Variants in TACR3 observed in about 807,000 individuals in gnomAD.
TACR3 encodes the protein neuromedin-K receptor.
Under a neutral mutation model 35.0 loss-of-function variants are expected in TACR3, and 34 were observed. The observed-to-expected ratio is 0.97, with a 90% CI of 0.74 to 1.30. The LOEUF is 1.30. Ranked by LOEUF, TACR3 falls within the 50% of genes most tolerant of loss-of-function variation. The pLI is 0.00. For synonymous variants in TACR3, 233 were observed against 221.1 expected, an observed-to-expected ratio of 1.05 and a Z score of -0.48; for missense variants, 558 against 591.7, an observed-to-expected ratio of 0.94 and a Z score of 0.59.
intron 3 of TACR3, among the ~76,000 whole-genome samples, chr4:103,599,287 T>G (rs940680066): frequency 3.9e-5 from 6 of 152,174 alleles, no homozygotes; most frequent in African/African-American, 1.4e-4. Flanking sequence ...ATGCTTGTGG[T>G]TTTTGTACAT....
Position 103,683,640 on chromosome 4 carries a change from A to T in TACR3, c.549-25237T>A, listed in dbSNP as rs551356367. On this transcript the variant is annotated intron_variant, in intron 1 of 4. Coordinates refer to ENST00000304883, the MANE Select transcript of TACR3 (RefSeq NM_001059.3). The stretch of plus-strand genomic sequence containing the variant: ...TTTCTTAATATGTGCAAACTACAAA[A>T]CTCTACCCAAAATGAGTTCTATATT... 3.6e-4 allele frequency among the ~76,000 whole-genome samples: 54 copies of T among 152,044 alleles called. No individual in the cohort carries two copies. In the South Asian group the frequency reaches 0.011, roughly 30 times the overall value.
chr4:103,711,668 A>G (rs923749326), intron 1 of TACR3, among the ~76,000 whole-genome samples: 1 of 152,182 alleles, frequency 6.6e-6, no homozygotes, highest in Non-Finnish European at 1.5e-5. Context: ...AGAAAGAAAT[A>G]AAGGGTATTC....
intron 1 of TACR3, among the ~76,000 whole-genome samples, chr4:103,704,105 C>CAAAAAAAAA (rs59034473): frequency 9.9e-4 from 64 of 64,628 alleles, no homozygotes; most frequent in Non-Finnish European, 1.4e-3. Flanking sequence ...CTCTATCTCA[C>CAAAAAAAAA]AAAAAAAAAA....
At chr4:103,676,493 GCAGA>G (rs1726171971) in intron 1 of TACR3, among the ~76,000 whole-genome samples, 1 of 152,082 alleles carries the variant, frequency 6.6e-6, no homozygotes, top group Non-Finnish European at 1.5e-5. Flanking sequence ...GAGACAAGAT[GCAGA>G]CAAAGACAAA....
chr4:103,607,208 C>T lies in TACR3; in HGVS notation c.889-15525G>A, dbSNP rs189001619. Reference sequence around the variant, plus strand: ...ATACTTATCTTTTGTAACAGATATGCGGTATTGTTAAGCATGTTTTTGTTT... The same window carrying T: ...ATACTTATCTTTTGTAACAGATATGTGGTATTGTTAAGCATGTTTTTGTTT... On this transcript the variant is annotated intron_variant, in intron 3 of 4. Coordinates refer to ENST00000304883, the MANE Select transcript of TACR3 (RefSeq NM_001059.3). Among the ~76,000 whole-genome samples, 144 of 152,116 alleles carry T rather than the reference C, an allele frequency of 9.5e-4. 1 individual carries two copies. The highest frequency in any genetic ancestry group is 2.1e-3 in the East Asian group (11 of 5,180).
intron 3 of TACR3, among the ~76,000 whole-genome samples, chr4:103,595,350 C>A (rs1723982084): frequency 6.6e-6 from 1 of 152,128 alleles, no homozygotes; most frequent in African/African-American, 2.4e-5. Flanking sequence ...ACCCATTACC[C>A]TTGGAAACTT....
chr4:103,637,157 A>T (rs1016249113), intron 3 of TACR3, among the ~76,000 whole-genome samples: 1 of 152,202 alleles, frequency 6.6e-6, no homozygotes, highest in Non-Finnish European at 1.5e-5. Context: ...TTAGACCAAT[A>T]TCCTTGATGA....
intron 3 of TACR3, among the ~76,000 whole-genome samples, chr4:103,638,902 A>G (rs981501192): frequency 4.6e-5 from 7 of 152,174 alleles, no homozygotes; most frequent in African/African-American, 1.7e-4. Flanking sequence ...ACCATCTCAC[A>G]CCAGTTAGAA....
chr4:103,694,890 C>CATATTTACATATATGTAT (rs1722488110), intron 1 of TACR3, among the ~76,000 whole-genome samples: 1 of 152,114 alleles, frequency 6.6e-6, no homozygotes, highest in African/African-American at 2.4e-5. Flanking sequence ...GAACTTCTTA[C>CATATTTACATATATGTAT]ATATTTACAT....
At chr4:103,648,183 G>C (rs1160100810) in intron 3 of TACR3, among the ~76,000 whole-genome samples, 1 of 151,894 alleles carries the variant, frequency 6.6e-6, no homozygotes, top group Non-Finnish European at 1.5e-5. Flanking sequence ...ATTTATTTCT[G>C]TGGGTACATA....
chr4:103,676,091 T>A (rs1038918227), intron 1 of TACR3, among the ~76,000 whole-genome samples: 1 of 152,218 alleles, frequency 6.6e-6, no homozygotes, highest in African/African-American at 2.4e-5. Context: ...TGATTTCACC[T>A]CATTGTTCTA....
chr4:103,624,620 T>C (rs1011854687), intron 3 of TACR3: 1 of 151,844 alleles, frequency 6.6e-6, no homozygotes, highest in Non-Finnish European at 1.5e-5. Flanking sequence ...GAAATCTTTG[T>C]TGAAATGAAA....
chr4:103,654,979 C>T (rs1004379691), intron 3 of TACR3, among the ~76,000 whole-genome samples: 6 of 151,988 alleles, frequency 3.9e-5, no homozygotes, highest in Admixed American at 1.3e-4. Context: ...TGCCAGAGGC[C>T]ATTTGGTTGT....
intron 1 of TACR3, among the ~76,000 whole-genome samples, chr4:103,713,113 TCCC>T (rs1723006763): frequency 6.6e-6 from 1 of 152,136 alleles, no homozygotes; most frequent in Non-Finnish European, 1.5e-5. Flanking sequence ...GACCCAGCCA[TCCC>T]ATTACTGGGT....
chr4:103,593,214 C>G (rs1385355691), intron 3 of TACR3: 1 of 151,978 alleles, frequency 6.6e-6, no homozygotes, highest in Non-Finnish European at 1.5e-5. Flanking sequence ...GAAATTGAGG[C>G]AAAAACCCAA....
At chr4:103,600,672 T>C in intron 3 of TACR3, among the ~76,000 whole-genome samples, 1 of 152,218 alleles carries the variant, frequency 6.6e-6, no homozygotes. Context: ...TTTGTTCTCA[T>C]TGGTTTCAAA....
chr4:103,621,549 A>G (rs1256843321), intron 3 of TACR3, among the ~76,000 whole-genome samples: 1 of 152,208 alleles, frequency 6.6e-6, no homozygotes. Context: ...ACAAGAATGG[A>G]GAAAAGGCTT....
chr4:103,673,001 G>A (rs1375081285), intron 1 of TACR3, among the ~76,000 whole-genome samples: 1 of 152,070 alleles, frequency 6.6e-6, no homozygotes, highest in Non-Finnish European at 1.5e-5. Context: ...AACTCTGCTG[G>A]CCACAAGTTT....
intron 1 of TACR3, among the ~76,000 whole-genome samples, chr4:103,659,264 TTAA>T (rs1413258387): frequency 3.3e-5 from 5 of 152,200 alleles, no homozygotes; most frequent in Admixed American, 1.3e-4. Flanking sequence ...GTGAAAGATA[TTAA>T]TGATTTGGTA....
Sources: gnomAD v4.1 joint callset for allele counts (sites outside exome capture counted in the v4.1 genomes callset) on GRCh38, gnomAD v4.1.1 for gene constraint, MANE v1.5 for transcripts, NCBI Gene and HGNC (gene_info 2026-07-23, HGNC 2026-07-21) for gene names.